NPIPB2: variants seen among roughly 807,000 people sequenced by gnomAD.
The protein encoded by NPIPB2 is nuclear pore complex-interacting protein family member B2.
NPIPB2 carries 27 observed loss-of-function variants against 30.8 expected under a neutral mutation model. The ratio of observed to expected loss-of-function variants is 0.88; its 90% CI spans 0.65 to 1.21. The LOEUF (loss-of-function observed/expected upper bound fraction) is 1.21, where lower values mean the gene tolerates loss of function less well. NPIPB2 is among the 50% of genes most tolerant of loss of function. The probability of loss-of-function intolerance (pLI) is 0.00; values close to 1 mark genes in which losing one functional copy is unlikely to be tolerated. For synonymous variants in NPIPB2, 147 were observed against 162.0 expected, an observed-to-expected ratio of 0.91 and a Z score of 0.70; for missense variants, 440 against 446.2, an observed-to-expected ratio of 0.99 and a Z score of 0.13.
intron 1 of NPIPB2, among the ~76,000 whole-genome samples, chr16:11,960,430 C>T (rs2055145220): frequency 6.7e-6 from 1 of 148,644 alleles, no homozygotes; most frequent in Non-Finnish European, 1.5e-5. Flanking sequence ...GATCTCAGCT[C>T]ACTGCAACCT....
chr16:11,936,022 C>T (rs1271731418), intron 2 of NPIPB2, among the ~76,000 whole-genome samples: 1 of 147,944 alleles, frequency 6.8e-6, no homozygotes. Flanking sequence ...AAAACTTCCC[C>T]TGGCTCACGT....
At chr16:11,961,436 T>C (rs538982936) in intron 1 of NPIPB2, among the ~76,000 whole-genome samples, 40 of 152,302 alleles carry the variant, frequency 2.6e-4, no homozygotes, top group Admixed American at 2.4e-3. Flanking sequence ...TTTTTTAAAT[T>C]TCTGCATTTT....
intron 1 of NPIPB2, among the ~76,000 whole-genome samples, chr16:11,962,324 C>T (rs1249790548): frequency 6.7e-6 from 1 of 149,520 alleles, no homozygotes; most frequent in African/African-American, 2.5e-5. Context: ...CATGGTGAAA[C>T]CCTGTCTCTA....
chr16:11,949,012 C>A (rs1358996428), intron 1 of NPIPB2, among the ~76,000 whole-genome samples: 1 of 151,638 alleles, frequency 6.6e-6, no homozygotes, highest in Non-Finnish European at 1.5e-5. Flanking sequence ...GTGCCTGCCG[C>A]ATGCCTGTAA....
At chr16:11,976,614 G>C (rs76519517) in exon 1 of NPIPB2, 8,869 of 370,606 alleles carry the variant, frequency 0.024, 140 homozygotes, top group Non-Finnish European at 0.032. Flanking sequence ...TCCACACCGG[G>C]TCCGGCGACT....
At chr16:11,939,164 A>G (rs1247492492) in intron 1 of NPIPB2, among the ~76,000 whole-genome samples, 1 of 151,272 alleles carries the variant, frequency 6.6e-6, no homozygotes, top group Non-Finnish European at 1.5e-5. Context: ...TCTCTCTTGG[A>G]TTATATGAAT....
chr16:11,942,109 A>T, upstream of NPIPB2: 1 of 1,532,254 alleles, frequency 6.5e-7, no homozygotes, highest in Non-Finnish European at 8.7e-7. Context: ...CCATCTGTCC[A>T]TCAACCTGTA....
At chr16:11,947,833 T>C (rs1393312696) in intron 1 of NPIPB2, among the ~76,000 whole-genome samples, 1 of 151,446 alleles carries the variant, frequency 6.6e-6, no homozygotes, top group African/African-American at 2.4e-5. Context: ...CGTCCTGGGT[T>C]CTGGAAGGGA....
chr16:11,941,309 G>A (rs1436169532), intron 1 of NPIPB2: 26 of 1,176,490 alleles, frequency 2.2e-5, no homozygotes, highest in South Asian at 7.7e-5. Context: ...AGGGCAGGGG[G>A]AGGGAAGGGG....
chr16:11,947,792 G>A (rs1409692682), intron 1 of NPIPB2, among the ~76,000 whole-genome samples: 2 of 151,732 alleles, frequency 1.3e-5, no homozygotes, highest in Middle Eastern at 3.4e-3. Flanking sequence ...CCCAAGGTGT[G>A]GCATGGGGAC....
chr16:11,959,230 G>A (rs1411639607), intron 1 of NPIPB2, among the ~76,000 whole-genome samples: 1 of 151,958 alleles, frequency 6.6e-6, no homozygotes, highest in Non-Finnish European at 1.5e-5. Context: ...CACTCTTTTG[G>A]TGATGTGATT....
At chr16:11,951,683 C>G (rs1310622409) in intron 1 of NPIPB2, among the ~76,000 whole-genome samples, 1 of 145,482 alleles carries the variant, frequency 6.9e-6, no homozygotes, top group East Asian at 2.0e-4. Context: ...CCCCAAACAA[C>G]AAAATTCAGA....
At chr16:11,969,362 A>G (rs1312233194) in intron 1 of NPIPB2, among the ~76,000 whole-genome samples, 1 of 150,860 alleles carries the variant, frequency 6.6e-6, no homozygotes, top group Non-Finnish European at 1.5e-5. Context: ...GGTTCAAGCA[A>G]TTCTCTGCCT....
chr16:11,949,899 G>A (rs2055047639), intron 1 of NPIPB2, among the ~76,000 whole-genome samples: 1 of 152,176 alleles, frequency 6.6e-6, no homozygotes, highest in East Asian at 1.9e-4. Flanking sequence ...AGATCTATCT[G>A]CTTTGGAGAT....
intron 1 of NPIPB2, among the ~76,000 whole-genome samples, chr16:11,975,659 C>G (rs986660443): frequency 5.3e-5 from 8 of 151,688 alleles, no homozygotes; most frequent in Non-Finnish European, 8.8e-5. Flanking sequence ...GGTGGGATCT[C>G]GGCTCACTGA....
At chr16:11,944,426 C>A (rs1401421619), upstream of NPIPB2, among the ~76,000 whole-genome samples, 1 of 151,836 alleles carries the variant, frequency 6.6e-6, no homozygotes, top group Admixed American at 6.6e-5. Flanking sequence ...CTCAGCCTCC[C>A]AAAGTCCCGG....
chr16:11,959,031 G>C (rs1276865569), intron 1 of NPIPB2, among the ~76,000 whole-genome samples: 1 of 152,178 alleles, frequency 6.6e-6, no homozygotes, highest in Non-Finnish European at 1.5e-5. Flanking sequence ...TATGGCTCTT[G>C]CCTCTGTGAA....
At chr16:11,930,592 C>G in intron 4 of NPIPB2, 41 bp from the exon 5 acceptor site, 1 of 1,495,534 alleles carries the variant, frequency 6.7e-7, no homozygotes. Context: ...CATGATCCAC[C>G]AGCCCGTGTG....
At chr16:11,972,418 A>G (rs1357089784) in intron 1 of NPIPB2, among the ~76,000 whole-genome samples, 1 of 152,062 alleles carries the variant, frequency 6.6e-6, no homozygotes, top group African/African-American at 2.4e-5. Flanking sequence ...TACAGAAAAT[A>G]CAATAATTAG....
Sources: allele counts gnomAD v4.1 joint callset (sites outside exome capture counted in the v4.1 genomes callset), GRCh38; gene constraint gnomAD v4.1.1; transcripts MANE v1.5; gene names NCBI Gene and HGNC (gene_info 2026-07-23, HGNC 2026-07-21).